PDE4B: variants seen among roughly 807,000 people sequenced by gnomAD.
The protein encoded by PDE4B is 3',5'-cyclic-AMP phosphodiesterase 4B.
In PDE4B, 20 loss-of-function variants were observed where a neutral mutation model predicts 82.2. The observed-to-expected ratio is 0.24, with a 90% confidence interval of 0.17 to 0.35. PDE4B has a LOEUF of 0.35. Among genes scored for constraint, PDE4B ranks in the 10% least tolerant of loss-of-function variants. PDE4B has a pLI of 1.00. For missense variants in PDE4B, 655 were observed against 907.2 expected, an observed-to-expected ratio of 0.72 and a Z score of 3.57; for synonymous variants, 320 against 318.9, an observed-to-expected ratio of 1.00 and a Z score of -0.04.
At chr1:66,053,489 A>G (rs1053886935) in intron 3 of PDE4B, among the ~76,000 whole-genome samples, 3 of 152,176 alleles carry the variant, frequency 2.0e-5, no homozygotes, top group African/African-American at 4.8e-5. Context: ...ATTATTATCA[A>G]TGGCATTTTA....
chr1:66,183,609 A>G (rs1647118847), intron 3 of PDE4B, among the ~76,000 whole-genome samples: 1 of 152,220 alleles, frequency 6.6e-6, no homozygotes, highest in Non-Finnish European at 1.5e-5. Flanking sequence ...GCAAAGCATT[A>G]TCACTTTCAC....
intron 10 of PDE4B, 78 bp downstream of exon 10, chr1:66,361,871 A>G: frequency 1.7e-6 from 2 of 1,150,318 alleles, no homozygotes; most frequent in South Asian, 1.7e-5. Context: ...TTTAGAAAAT[A>G]GTATGGATTG....
At chr1:65,888,359 A>G (rs1646815245) in intron 1 of PDE4B, among the ~76,000 whole-genome samples, 1 of 152,172 alleles carries the variant, frequency 6.6e-6, no homozygotes, top group African/African-American at 2.4e-5. Flanking sequence ...GTCTTGTAAT[A>G]TATTTTGAAG....
chr1:66,059,230 A>G (rs1376186845), intron 3 of PDE4B, among the ~76,000 whole-genome samples: 1 of 152,078 alleles, frequency 6.6e-6, no homozygotes, highest in Non-Finnish European at 1.5e-5. Context: ...CTCAGCCTGG[A>G]CCTTACTGTT....
At chr1:66,075,932 A>AAAAG (rs1557543306) in intron 3 of PDE4B, among the ~76,000 whole-genome samples, 26 of 120,844 alleles carry the variant, frequency 2.2e-4, no homozygotes, top group African/African-American at 7.2e-4. Context: ...AACAAAAAAA[A>AAAAG]CAAAACACCA....
intron 1 of PDE4B, among the ~76,000 whole-genome samples, chr1:65,892,086 C>A (rs1211830144): frequency 6.6e-6 from 1 of 152,044 alleles, no homozygotes; most frequent in South Asian, 2.1e-4. Context: ...AATTTTGATT[C>A]CTTGCTTTTA....
intron 3 of PDE4B, among the ~76,000 whole-genome samples, chr1:65,995,741 C>A (rs1651505477): frequency 6.6e-6 from 1 of 152,130 alleles, no homozygotes; most frequent in African/African-American, 2.4e-5. Flanking sequence ...CCAAACCATG[C>A]ACTTAAGTTA....
intron 3 of PDE4B, among the ~76,000 whole-genome samples, chr1:65,968,226 C>T (rs1033301021): frequency 6.6e-6 from 1 of 152,132 alleles, no homozygotes; most frequent in East Asian, 1.9e-4. Context: ...TCCATTTACC[C>T]ATTTGTTAAA....
intron 3 of PDE4B, among the ~76,000 whole-genome samples, chr1:66,203,078 A>G (rs1557631157): frequency 1.0e-5 from 1 of 96,950 alleles, no homozygotes; most frequent in African/African-American, 3.8e-5. Context: ...GCTTGTCTGT[A>G]AAGTATTTTA....
chr1:66,060,324 G>T (rs994767463), intron 3 of PDE4B, among the ~76,000 whole-genome samples: 5 of 152,150 alleles, frequency 3.3e-5, no homozygotes, highest in African/African-American at 1.2e-4. Flanking sequence ...ATATCAAGGA[G>T]TTTTTACTTG....
intron 1 of PDE4B, among the ~76,000 whole-genome samples, chr1:65,887,409 C>CTTAT: frequency 9.5e-5 from 1 of 10,568 alleles, no homozygotes; most frequent in South Asian, 2.4e-3. Flanking sequence ...TTTTCTTTTT[C>CTTAT]TTCTGTTTTT....
chr1:66,008,308 A>G (rs901306754), intron 3 of PDE4B, among the ~76,000 whole-genome samples: 2 of 152,140 alleles, frequency 1.3e-5, no homozygotes, highest in African/African-American at 4.8e-5. Flanking sequence ...TGTATTTGCA[A>G]ACCATTCATT....
intron 3 of PDE4B, among the ~76,000 whole-genome samples, chr1:66,199,704 T>C (rs1283078099): frequency 6.6e-6 from 1 of 152,138 alleles, no homozygotes; most frequent in South Asian, 2.1e-4. Context: ...AGGCCTTAAG[T>C]AGGAGATTCA....
chr1:66,205,322 T>A (rs183732076), intron 3 of PDE4B, among the ~76,000 whole-genome samples: 23 of 152,348 alleles, frequency 1.5e-4, no homozygotes, highest in African/African-American at 4.8e-4. Context: ...AACTTTGTAA[T>A]AAATCTCCCT....
intron 3 of PDE4B, among the ~76,000 whole-genome samples, chr1:66,234,829 A>G (rs1319402881): frequency 1.4e-5 from 2 of 147,734 alleles, no homozygotes; most frequent in South Asian, 2.2e-4. Context: ...TTCCTTTGTG[A>G]TTTATTTGCT....
At chr1:66,163,097 G>T (rs1646650366) in intron 3 of PDE4B, among the ~76,000 whole-genome samples, 1 of 152,122 alleles carries the variant, frequency 6.6e-6, no homozygotes, top group African/African-American at 2.4e-5. Context: ...CTCCAAAGAA[G>T]TGTGCTCAAC....
intron 3 of PDE4B, among the ~76,000 whole-genome samples, chr1:66,081,079 G>T (rs1656697199): frequency 6.6e-6 from 1 of 151,990 alleles, no homozygotes; most frequent in South Asian, 2.1e-4. Flanking sequence ...CATTTTTTGT[G>T]GTCTGACTTA....
chr1:65,892,039 T>G (rs529976075), intron 1 of PDE4B, among the ~76,000 whole-genome samples: 1 of 152,236 alleles, frequency 6.6e-6, no homozygotes, highest in African/African-American at 2.4e-5. Context: ...AACTTCTGCC[T>G]TGATGTAAGA....
intron 3 of PDE4B, among the ~76,000 whole-genome samples, chr1:66,057,863 C>A (rs1655384332): frequency 6.6e-6 from 1 of 152,104 alleles, no homozygotes; most frequent in Non-Finnish European, 1.5e-5. Flanking sequence ...TCATTCTGCC[C>A]CTGGCCCTTC....
Sources: gnomAD v4.1 joint callset for allele counts (sites outside exome capture counted in the v4.1 genomes callset) on GRCh38, gnomAD v4.1.1 for gene constraint, MANE v1.5 for transcripts, NCBI Gene and HGNC (gene_info 2026-07-23, HGNC 2026-07-21) for gene names.